Variants in SYNPO2L observed in about 807,000 individuals in gnomAD.
The protein encoded by SYNPO2L is synaptopodin 2-like protein.
A neutral mutation model predicts 47.5 loss-of-function variants in SYNPO2L; 34 were observed. That is an observed-to-expected ratio of 0.72 (90% CI 0.54 to 0.95). The LOEUF (loss-of-function observed/expected upper bound fraction) is 0.95, where lower values mean the gene tolerates loss of function less well. Ranked by LOEUF, SYNPO2L falls within the 40% of genes least tolerant of loss-of-function variation. The pLI is 0.00. For synonymous variants in SYNPO2L, 536 were observed against 524.9 expected (o/e 1.02, Z -0.29); for missense variants, 1,246 against 1,282.0 (o/e 0.97, Z 0.43).
Position 73,646,786 on chromosome 10 carries a change from G to A in SYNPO2L, c.2866C>T (p.Pro956Ser), listed in dbSNP as rs773582473. Residue 956 changes from proline (P) to serine (S), a missense_variant, in exon 4 of 4, where the codon CCC becomes TCC. Physicochemically the swap from Pro to Ser is moderately conservative, Grantham distance 74 (BLOSUM62 -1). This residue lies in a region of SYNPO2L where 1,037 missense variants were observed against 1,021.5 expected (regional missense o/e 1.02). Coordinates refer to ENST00000394810, the MANE Select transcript of SYNPO2L (RefSeq NM_001114133.3). The stretch of plus-strand genomic sequence containing the variant: ...CCTGTTCTGGTGGCTGAAAATCGGG[G>A]CCTGGCTACCTGGAAACCGCAGGAG... ...PSSCGFQVAR[P>S]RFSATRTGLQ... 3.9e-6 allele frequency: 6 copies of A among 1,525,168 alleles called. No individual in the cohort carries two copies. The highest frequency in any genetic ancestry group is 5.3e-6 in the Non-Finnish European group (6 of 1,139,364). The allele number at this position is 1,525,168 out of a possible 1,614,324, so 94.5% of individuals were successfully genotyped here.
In SYNPO2L at chr10:73,645,618, G is replaced by A. The variant is rs1292771912; in HGVS notation, c.*1100C>T. 2 of 986,100 alleles carry A rather than the reference G, an allele frequency of 2.0e-6. No individual in the cohort carries two copies. Among genetic ancestry groups the A allele is most frequent in the Non-Finnish European group, 2.4e-6 (2 of 830,506 alleles). The allele number at this position is 986,100 out of a possible 1,614,324, so 61.1% of individuals were successfully genotyped here. A position where few individuals can be genotyped will look rare whatever the true frequency, so the allele number is the denominator to read the frequency against. On this transcript the variant is annotated 3_prime_UTR_variant, in exon 4 of 4. Transcript: ENST00000394810. ...TATAGAATTCTTTGTTCTATTCCTG[G>A]TCTAGCTGGTATAACTCAGCCCATG...
chr10:73,645,554 A>G lies in SYNPO2L; in HGVS notation c.*1164T>C, dbSNP rs905313941. 2 of 987,500 alleles carry G rather than the reference A, an allele frequency of 2.0e-6. No homozygotes were observed. The highest frequency in any genetic ancestry group is 2.4e-6 in the Non-Finnish European group (2 of 831,536). The allele number at this position is 987,500 out of a possible 1,614,324, so 61.2% of individuals were successfully genotyped here. A position where few individuals can be genotyped will look rare whatever the true frequency, so the allele number is the denominator to read the frequency against. On this transcript the variant is annotated 3_prime_UTR_variant, in exon 4 of 4. Transcript: ENST00000394810. Reference sequence around the variant, plus strand: ...TTTCCTGGGTACTGGGTTGCTCAGCACTGGCCTCTCAAGTTGCTAACTTTT... The same window carrying G: ...TTTCCTGGGTACTGGGTTGCTCAGCGCTGGCCTCTCAAGTTGCTAACTTTT...
Position 73,647,652 on chromosome 10 carries a change from C to G in SYNPO2L, c.2000G>C (p.Gly667Ala). Reference protein sequence around the residue: ...QNLDEKPRAGGAESGPEEDAL... With the variant: ...QNLDEKPRAGAAESGPEEDAL... ...ATCTTCTTCAGGACCAGATTCTGCA[C>G]CCCCGGCCCGAGGCTTTTCATCCAG... Residue 667 changes from glycine to alanine, a missense_variant, in exon 4 of 4, where the codon GGT (glycine) becomes GCT (alanine). Transcript: ENST00000394810. 1 of 1,614,152 alleles carries G rather than the reference C, an allele frequency of 6.2e-7. No individual in the cohort carries two copies. Among genetic ancestry groups the G allele is most frequent in the Non-Finnish European group, 8.5e-7 (1 of 1,179,998 alleles).
chr10:73,650,851 T>A, intron 3 of SYNPO2L: 1 of 1,514,186 alleles, frequency 6.6e-7, no homozygotes, highest in African/African-American at 1.4e-5. Flanking sequence ...CCTAAACTAT[T>A]GACATCTTCC....
At chr10:73,650,381 G>C (rs998985592) in intron 3 of SYNPO2L, 11 of 596,908 alleles carry the variant, frequency 1.8e-5, no homozygotes, top group African/African-American at 1.8e-4. Context: ...CCTAGAGTCA[G>C]AGTTCAGTTC....
Position 73,644,987 on chromosome 10 carries a change from C to T in SYNPO2L, c.*1731G>A. ...TTTCCAGATTACACAGCAAACGTAG[C>T]TGGTGGTGGTCTTGGTGAGAAGGGA... On this transcript the variant is annotated 3_prime_UTR_variant, in exon 4 of 4. Coordinates refer to ENST00000394810, the MANE Select transcript of SYNPO2L (RefSeq NM_001114133.3). 1 of 1,241,710 alleles carries T rather than the reference C, an allele frequency of 8.1e-7. No individual in the cohort carries two copies. Among genetic ancestry groups the T allele is most frequent in the South Asian group, 1.4e-5 (1 of 70,296 alleles). The allele number at this position is 1,241,710 out of a possible 1,614,324, so 76.9% of individuals were successfully genotyped here. A position where few individuals can be genotyped will look rare whatever the true frequency, so the allele number is the denominator to read the frequency against.
intron 3 of SYNPO2L, chr10:73,650,414 T>C (rs2081831921): frequency 2.4e-6 from 1 of 420,622 alleles, no homozygotes; most frequent in Non-Finnish European, 3.2e-6. Context: ...TCTGGGATAG[T>C]TACCTCACCT....
At position 73,648,273 on chromosome 10, in the gene SYNPO2L, G is replaced by A. The variant is rs1402513612; in HGVS notation, c.1379C>T (p.Ala460Val). The A allele has an allele frequency of 3.1e-6, 5 of 1,600,562 alleles. No homozygotes were observed. Among genetic ancestry groups the A allele is most frequent in the Admixed American group, 3.3e-5 (2 of 59,856 alleles). ...GGCTGACCGGTTAAAGATGCTTGGA[G>A]CTGGGGTCGGGGCTCCACCACCTGG... ...FQPGGGAPTP[A>V]PSIFNRSARP... Residue 460 changes from alanine to valine, a missense_variant, in exon 4 of 4, where the codon GCT becomes GTT. By Grantham distance (64) the Ala-to-Val change is moderately conservative. Transcript: ENST00000394810.
At position 73,648,314 on chromosome 10, in the gene SYNPO2L, G is replaced by C; in HGVS notation, c.1338C>G (p.Ser446Arg). ...PPSPLPAPVA[S>R]PRPFQPGGGA... ...CACCACCTGGTTGGAAGGGTCTGGG[G>C]CTGGCTACAGGCGCCGGCAAGGGGC... Residue 446 changes from serine to arginine, a missense_variant, in exon 4 of 4, where the codon AGC becomes AGG. By Grantham distance (110) the Ser-to-Arg change is moderately radical. Transcript: ENST00000394810. 6.2e-7 allele frequency: 1 copy of C among 1,604,762 alleles called. No homozygotes were observed. Among genetic ancestry groups the C allele is most frequent in the Non-Finnish European group, 8.5e-7 (1 of 1,179,436 alleles).
chr10:73,651,466 G>A (rs1220873912), intron 3 of SYNPO2L, among the ~76,000 whole-genome samples: 2 of 152,100 alleles, frequency 1.3e-5, no homozygotes, highest in Non-Finnish European at 2.9e-5. Flanking sequence ...TGGTGGAGGA[G>A]AGGGAAGAAA....
Position 73,648,367 on chromosome 10 carries a change from G to A in SYNPO2L, c.1285C>T (p.Pro429Ser), listed in dbSNP as rs2081800637. The A allele has an allele frequency of 6.2e-7, 1 of 1,606,102 alleles. No individual in the cohort carries two copies. Among genetic ancestry groups the A allele is most frequent in the South Asian group, 1.1e-5 (1 of 90,894 alleles). Residue 429 changes from proline to serine, a missense_variant, in exon 4 of 4, where the codon CCC (proline) becomes TCC (serine). Coordinates refer to ENST00000394810, the MANE Select transcript of SYNPO2L (RefSeq NM_001114133.3). ...LQSPPRAQSAPPEAAVLPPSP... is the reference protein window; with the variant it reads ...LQSPPRAQSASPEAAVLPPSP... Reference sequence around the variant, plus strand: ...GGTGGGAGCACAGCTGCCTCTGGGGGAGCACTCTGGGCCCGAGGTGGTGAC... The same window carrying A: ...GGTGGGAGCACAGCTGCCTCTGGGGAAGCACTCTGGGCCCGAGGTGGTGAC...
At chr10:73,651,551 A>G (rs1444485785) in intron 3 of SYNPO2L, among the ~76,000 whole-genome samples, 1 of 152,182 alleles carries the variant, frequency 6.6e-6, no homozygotes, top group Non-Finnish European at 1.5e-5. Flanking sequence ...GGAGGCATAG[A>G]GCAGGGAGAA....
intron 3 of SYNPO2L, among the ~76,000 whole-genome samples, chr10:73,652,488 G>T (rs1291268080): frequency 6.6e-6 from 1 of 151,976 alleles, no homozygotes; most frequent in Non-Finnish European, 1.5e-5. Flanking sequence ...GACCAGTATG[G>T]TGAAACCCCA....
chr10:73,655,690 G>GCCCCCC, intron 1 of SYNPO2L, 128 bp downstream of exon 1: 2 of 271,704 alleles, frequency 7.4e-6, no homozygotes, highest in Non-Finnish European at 1.5e-5. Flanking sequence ...ATACTTCCCT[G>GCCCCCC]CCCACCACCC....
At chr10:73,651,871 C>T (rs1172728117) in intron 3 of SYNPO2L, among the ~76,000 whole-genome samples, 1 of 151,626 alleles carries the variant, frequency 6.6e-6, no homozygotes, top group East Asian at 2.0e-4. Flanking sequence ...GTCAGGAGTT[C>T]GAGACCAGCC....
intron 3 of SYNPO2L, 140 bp downstream of exon 3, chr10:73,652,996 GCTC>G: frequency 1.0e-6 from 1 of 991,318 alleles, no homozygotes; most frequent in Non-Finnish European, 1.4e-6. Context: ...GAATAATTAT[GCTC>G]CCCTTCTACT....
chr10:73,646,730 T>C lies in SYNPO2L; in HGVS notation c.2922A>G (p.Ala974=), dbSNP rs199702923. The C allele has an allele frequency of 1.3e-6, 2 of 1,489,764 alleles. No individual in the cohort carries two copies. The highest frequency in any genetic ancestry group is 1.8e-6 in the Non-Finnish European group (2 of 1,118,898). 92.3% of individuals were successfully genotyped at this position (1,489,764 alleles called of 1,614,324 possible). ...GLQAHVWRPG[A]GHQ The stretch of plus-strand genomic sequence containing the variant: ...GACCTGTGCCTGTTCACTGGTGCCC[T>C]GCCCCAGGCCTCCACACATGAGCTT... Residue 974 remains alanine (A), a synonymous_variant, in exon 4 of 4, where the codon GCA becomes GCG. Coordinates refer to ENST00000394810, the MANE Select transcript of SYNPO2L (RefSeq NM_001114133.3).
At position 73,646,660 on chromosome 10, in the gene SYNPO2L, GA is replaced by G; in HGVS notation, c.*57del. 7.1e-7 allele frequency: 1 copy of G among 1,413,570 alleles called. No homozygotes were observed. Among genetic ancestry groups the G allele is most frequent in the Non-Finnish European group, 9.3e-7 (1 of 1,079,424 alleles). 87.6% of individuals were successfully genotyped at this position (1,413,570 alleles called of 1,614,324 possible). A position where few individuals can be genotyped will look rare whatever the true frequency, so the allele number is the denominator to read the frequency against. ...TGACAGGGGATGGGATAGGGTAGGA[GA>G]AGCAACTTTAGGAACTGGATGTTCC... On this transcript the variant is annotated 3_prime_UTR_variant, in exon 4 of 4. Coordinates refer to ENST00000394810, the MANE Select transcript of SYNPO2L (RefSeq NM_001114133.3).
intron 3 of SYNPO2L, among the ~76,000 whole-genome samples, chr10:73,652,084 A>C (rs1395272714): frequency 7.0e-6 from 1 of 141,972 alleles, no homozygotes; most frequent in East Asian, 2.0e-4. Flanking sequence ...AAAAAAAAAA[A>C]AAAAAACCAG....
Sources: gnomAD v4.1 joint callset for allele counts (sites outside exome capture counted in the v4.1 genomes callset) on GRCh38, gnomAD v4.1.1 for gene constraint, gnomAD v4.1.1 regional missense constraint, MANE v1.5 for transcripts, NCBI Gene and HGNC (gene_info 2026-07-23, HGNC 2026-07-21) for gene names.